Variants in UTS2B observed in about 807,000 individuals in gnomAD.
UTS2B encodes the protein urotensin 2B.
UTS2B carries 21 observed loss-of-function variants against 19.2 expected under a neutral mutation model. The ratio of observed to expected loss-of-function variants is 1.09; its 90% CI spans 0.78 to 1.58. The LOEUF is 1.58. Among genes scored for constraint, UTS2B ranks in the 40% most tolerant of loss-of-function variants. UTS2B has a pLI of 0.00. For synonymous variants in UTS2B, 57 were observed against 50.2 expected, an observed-to-expected ratio of 1.14 and a Z score of -0.58; for missense variants, 138 against 130.3, an observed-to-expected ratio of 1.06 and a Z score of -0.29.
intron 3 of UTS2B, among the ~76,000 whole-genome samples, chr3:191,309,296 G>A (rs1229682726): frequency 6.6e-6 from 1 of 151,954 alleles, no homozygotes; most frequent in East Asian, 1.9e-4. Context: ...CAGGTAGCTG[G>A]GACTACAGGC....
At chr3:191,323,271 G>T (rs902249076) in intron 2 of UTS2B, among the ~76,000 whole-genome samples, 11 of 152,004 alleles carry the variant, frequency 7.2e-5, no homozygotes, top group Admixed American at 2.0e-4. Context: ...CTGCCTCCTG[G>T]GTTCAAACAA....
chr3:191,277,017 A>T (rs1181622227), intron 6 of UTS2B, among the ~76,000 whole-genome samples, 173 bp from the exon 7 acceptor site: 1 of 152,180 alleles, frequency 6.6e-6, no homozygotes, highest in Non-Finnish European at 1.5e-5. Flanking sequence ...TGCCCATAGT[A>T]TTGAAATGCA....
rs548848134 is a variant in UTS2B at position 191,287,242 on chromosome 3, T to G, written c.-124-4929A>C. 1.2e-4 allele frequency among the ~76,000 whole-genome samples: 18 copies of G among 152,142 alleles called. No homozygotes were observed. The South Asian group carries it at 3.7e-3, about 32-fold the overall frequency. ...CAAAAAATTTAAGAAGAAATAATAC[T>G]TCCAAACTTATGAGGCCAGGATTAC... is the stretch of plus-strand genomic sequence containing the variant. On this transcript the variant is annotated intron_variant, in intron 4 of 8. Transcript: ENST00000340524.
At chr3:191,345,763 AC>A in the UTS2B span, among the ~76,000 whole-genome samples, 2,610 of 152,278 alleles carry the variant, frequency 0.017, 79 homozygotes, top group African/African-American at 0.06. Context: ...TCAGGAACAT[AC>A]TTTGATAAAT....
intron 5 of UTS2B, among the ~76,000 whole-genome samples, 189 bp from the exon 6 acceptor site, chr3:191,278,359 C>A (rs1186930677): frequency 2.6e-5 from 4 of 151,866 alleles, no homozygotes; most frequent in African/African-American, 9.7e-5. Flanking sequence ...GACAGTCAGA[C>A]AGACACAGAG....
At chr3:191,329,639 C>G in intron 1 of UTS2B, 1 of 1,595,138 alleles carries the variant, frequency 6.3e-7, no homozygotes, top group Non-Finnish European at 8.5e-7. Context: ...GACCGGGAAG[C>G]CCGCGTTAAA....
At chr3:191,290,812 G>A (rs1716692811) in intron 4 of UTS2B, among the ~76,000 whole-genome samples, 2 of 152,180 alleles carry the variant, frequency 1.3e-5, no homozygotes, top group South Asian at 2.1e-4. Context: ...TATTTCTCAC[G>A]ATGAGTGACA....
chr3:191,303,719 G>A (rs1717061577), intron 4 of UTS2B, among the ~76,000 whole-genome samples: 1 of 152,168 alleles, frequency 6.6e-6, no homozygotes, highest in Admixed American at 6.5e-5. Context: ...GACATTGGAT[G>A]AGTTCTGATG....
intron 3 of UTS2B, among the ~76,000 whole-genome samples, chr3:191,308,457 C>A (rs915677341): frequency 6.6e-6 from 1 of 152,174 alleles, no homozygotes; most frequent in Non-Finnish European, 1.5e-5. Flanking sequence ...CACTATATCT[C>A]TTTTTGTTGT....
the UTS2B span, among the ~76,000 whole-genome samples, chr3:191,340,556 A>C: frequency 6.6e-6 from 1 of 152,230 alleles, no homozygotes. Flanking sequence ...CTTGATGGTG[A>C]TAATTTGATG....
At chr3:191,329,181 G>GGGCAGGGCCCGGGGGCGGGAGCAC (rs1442758109) in intron 1 of UTS2B, 1 of 157,222 alleles carries the variant, frequency 6.4e-6, no homozygotes, top group Non-Finnish European at 1.4e-5. Flanking sequence ...CGTAGGAGGG[G>GGGCAGGGCCCGGGGGCGGGAGCAC]GGCAGGGCCC....
At chr3:191,288,494 A>C (rs753620340) in intron 4 of UTS2B, among the ~76,000 whole-genome samples, 4 of 152,216 alleles carry the variant, frequency 2.6e-5, no homozygotes, top group Non-Finnish European at 5.9e-5. Flanking sequence ...TTGATTTTCA[A>C]CAAAGATGCC....
At chr3:191,313,181 G>T (rs2108605169) in intron 3 of UTS2B, among the ~76,000 whole-genome samples, 1 of 152,152 alleles carries the variant, frequency 6.6e-6, no homozygotes, top group African/African-American at 2.4e-5. Flanking sequence ...TTTTAGTAGA[G>T]ATGAGGTTTC....
chr3:191,268,463 A>G lies in UTS2B; in HGVS notation c.335-22T>C, dbSNP rs375602491. 1.1e-5 allele frequency: 16 copies of G among 1,511,638 alleles called. No individual in the cohort carries two copies. The African/African-American group carries it at 1.8e-4, about 17-fold the overall frequency. The allele number at this position is 1,511,638 out of a possible 1,614,324, so 93.6% of individuals were successfully genotyped here. A position where few individuals can be genotyped will look rare whatever the true frequency, so the allele number is the denominator to read the frequency against. ...CAAGCTAAAGAAGAAAACAAAATAC[A>G]TTTTTTATTAGAAGTATATTTGATA... is the stretch of plus-strand genomic sequence containing the variant. On this transcript the variant is annotated intron_variant, in intron 8 of 8. Transcript: ENST00000340524.
chr3:191,272,040 T>G lies in UTS2B; in HGVS notation c.334+3212A>C, dbSNP rs373288912. Reference sequence around the variant, plus strand: ...TAAAAGCATATTTACCTGCTTCATCTCTTTCCTATCCTACTATAGGTACAT... The same window carrying G: ...TAAAAGCATATTTACCTGCTTCATCGCTTTCCTATCCTACTATAGGTACAT... On this transcript the variant is annotated intron_variant, in intron 8 of 8. Transcript: ENST00000340524. Among the ~76,000 whole-genome samples the G allele has an allele frequency of 2.6e-3, 398 of 152,342 alleles. 1 individual carries two copies. Among genetic ancestry groups the G allele is most frequent in the African/African-American group, 9.2e-3 (383 of 41,580 alleles).
intron 7 of UTS2B, 23 bp from the exon 8 acceptor site, chr3:191,275,368 A>G (rs1454118730): frequency 6.3e-7 from 1 of 1,587,462 alleles, no homozygotes; most frequent in Non-Finnish European, 8.6e-7. Context: ...TAAAATGATA[A>G]TTAATTGGTC....
intron 2 of UTS2B, among the ~76,000 whole-genome samples, chr3:191,320,875 T>C (rs1717595750): frequency 6.6e-6 from 1 of 152,194 alleles, no homozygotes. Flanking sequence ...CAACTTAGTA[T>C]GAAAAAGTAG....
intron 4 of UTS2B, among the ~76,000 whole-genome samples, chr3:191,292,695 A>G (rs1336031768): frequency 1.3e-5 from 2 of 152,216 alleles, no homozygotes; most frequent in African/African-American, 2.4e-5. Flanking sequence ...AATGTTGAAT[A>G]AAAGTGGTGA....
At chr3:191,287,809 A>C (rs988539411) in intron 4 of UTS2B, among the ~76,000 whole-genome samples, 1 of 151,680 alleles carries the variant, frequency 6.6e-6, no homozygotes, top group African/African-American at 2.4e-5. Context: ...TTAGAAAAAA[A>C]GAAAGAAAGG....
Sources: allele counts gnomAD v4.1 joint callset (sites outside exome capture counted in the v4.1 genomes callset), GRCh38; gene constraint gnomAD v4.1.1; transcripts MANE v1.5; gene names NCBI Gene and HGNC (gene_info 2026-07-23, HGNC 2026-07-21).